The following PSMD14 variants were observed in gnomAD, a reference collection of about 807,000 sequenced individuals.
The protein encoded by PSMD14 is ubiquitin C-terminal hydrolase PSMD14.
In PSMD14, 7 loss-of-function variants were observed where a neutral mutation model predicts 41.2. The ratio of observed to expected loss-of-function variants is 0.17; its 90% CI spans 0.10 to 0.32. PSMD14 has a LOEUF of 0.32. Ranked by LOEUF, PSMD14 falls within the 10% of genes least tolerant of loss-of-function variation. The pLI is 1.00. For missense variants in PSMD14, 139 were observed against 375.6 expected, an observed-to-expected ratio of 0.37 and a Z score of 5.21; for synonymous variants, 114 against 122.3, an observed-to-expected ratio of 0.93 and a Z score of 0.45.
chr2:161,375,874 A>G (rs1027031629), intron 7 of PSMD14, among the ~76,000 whole-genome samples: 1 of 151,800 alleles, frequency 6.6e-6, no homozygotes, highest in South Asian at 2.1e-4. Context: ...TCTAATTTTT[A>G]AAAAAATTAA....
At chr2:161,411,252 C>A in intron 11 of PSMD14, 50 bp from the exon 12 acceptor site, 3 of 1,255,778 alleles carry the variant, frequency 2.4e-6, no homozygotes, top group Admixed American at 2.4e-5. Context: ...AGTAATTTAT[C>A]TACCAGTAAT....
At chr2:161,407,395 A>C (rs1034411717) in intron 10 of PSMD14, 1 of 152,104 alleles carries the variant, frequency 6.6e-6, no homozygotes, top group Non-Finnish European at 1.5e-5. Flanking sequence ...ATGAGTCATA[A>C]ATGCATTTCC....
chr2:161,322,067 C>T (rs1039622055), intron 3 of PSMD14, among the ~76,000 whole-genome samples: 2 of 152,118 alleles, frequency 1.3e-5, no homozygotes, highest in Non-Finnish European at 2.9e-5. Flanking sequence ...TTGATCAGCC[C>T]TCATCTGCAA....
chr2:161,318,959 A>G, intron 3 of PSMD14, 86 bp downstream of exon 3: 1 of 1,046,562 alleles, frequency 9.6e-7, no homozygotes, highest in Non-Finnish European at 1.4e-6. Context: ...ATTATCCCCA[A>G]GAAAATCACC....
At chr2:161,392,477 C>T (rs1444419014) in intron 9 of PSMD14, among the ~76,000 whole-genome samples, 1 of 152,160 alleles carries the variant, frequency 6.6e-6, no homozygotes, top group Non-Finnish European at 1.5e-5. Flanking sequence ...TCAACCAGAT[C>T]ACATCCATTT....
intron 1 of PSMD14, among the ~76,000 whole-genome samples, chr2:161,309,555 GT>G (rs2105226169): frequency 6.6e-6 from 1 of 152,298 alleles, no homozygotes; most frequent in South Asian, 2.1e-4. Context: ...CATGAACACA[GT>G]TTTAGTGGAG....
chr2:161,354,996 G>C (rs1683175899), intron 3 of PSMD14, among the ~76,000 whole-genome samples: 4 of 152,232 alleles, frequency 2.6e-5, no homozygotes, highest in Admixed American at 2.6e-4. Context: ...AAACTTTTCA[G>C]AGAGGCAGGA....
At chr2:161,373,105 T>TTTAA (rs1192274359) in intron 7 of PSMD14, among the ~76,000 whole-genome samples, 1 of 151,866 alleles carries the variant, frequency 6.6e-6, no homozygotes, top group Non-Finnish European at 1.5e-5. Flanking sequence ...CCAAACCTAG[T>TTTAA]TTAAGTATTG....
At chr2:161,331,662 A>G (rs1357435299) in intron 3 of PSMD14, among the ~76,000 whole-genome samples, 1 of 152,218 alleles carries the variant, frequency 6.6e-6, no homozygotes, top group Non-Finnish European at 1.5e-5. Context: ...ACAGTCAGAT[A>G]CTGTGAATAG....
intron 3 of PSMD14, among the ~76,000 whole-genome samples, chr2:161,336,576 T>C (rs996226303): frequency 6.6e-6 from 1 of 152,148 alleles, no homozygotes; most frequent in East Asian, 1.9e-4. Flanking sequence ...TTTATTTATT[T>C]ATTTATTCAT....
chr2:161,356,046 A>AT (rs1553505842), intron 3 of PSMD14, among the ~76,000 whole-genome samples: 1 of 66,818 alleles, frequency 1.5e-5, no homozygotes, highest in Non-Finnish European at 3.9e-5. Context: ...CAGCCAAAGG[A>AT]TTTTTTTTTG....
intron 2 of PSMD14, among the ~76,000 whole-genome samples, chr2:161,317,536 A>G (rs995178681): frequency 2.0e-5 from 3 of 152,040 alleles, no homozygotes; most frequent in African/African-American, 4.8e-5. Flanking sequence ...GAACTAGGTG[A>G]TGGTTACATG....
chr2:161,311,491 T>C (rs1689086643), intron 1 of PSMD14, among the ~76,000 whole-genome samples: 2 of 152,160 alleles, frequency 1.3e-5, no homozygotes, highest in African/African-American at 4.8e-5. Flanking sequence ...AATAGGGTAC[T>C]ATGCCATTTT....
chr2:161,334,543 A>AT (rs1491241192), intron 3 of PSMD14, among the ~76,000 whole-genome samples: 3 of 152,220 alleles, frequency 2.0e-5, no homozygotes, highest in South Asian at 2.1e-4. Flanking sequence ...ATATTAAGAC[A>AT]TTTTTTAAAA....
chr2:161,335,491 A>G (rs1165649294), intron 3 of PSMD14, among the ~76,000 whole-genome samples: 1 of 152,246 alleles, frequency 6.6e-6, no homozygotes, highest in African/African-American at 2.4e-5. Flanking sequence ...TGGACAGTGC[A>G]GTGTACACAA....
chr2:161,408,276 T>C (rs1195740268), intron 10 of PSMD14: 1 of 152,630 alleles, frequency 6.6e-6, no homozygotes, highest in Non-Finnish European at 1.5e-5. Flanking sequence ...GTATTACTTT[T>C]AGAGATGTAA....
chr2:161,397,794 T>C (rs1683822083), intron 10 of PSMD14, among the ~76,000 whole-genome samples: 1 of 152,180 alleles, frequency 6.6e-6, no homozygotes, highest in East Asian at 1.9e-4. Flanking sequence ...ATTATAGTGT[T>C]TCAACTGGAA....
chr2:161,363,462 T>C (rs1683318971), intron 3 of PSMD14, among the ~76,000 whole-genome samples: 1 of 152,206 alleles, frequency 6.6e-6, no homozygotes, highest in South Asian at 2.1e-4. Context: ...ATTTTTCATC[T>C]TTTTATCTTG....
intron 1 of PSMD14, among the ~76,000 whole-genome samples, chr2:161,313,961 A>G (rs922414975): frequency 2.0e-5 from 3 of 152,188 alleles, no homozygotes; most frequent in Admixed American, 6.5e-5. Context: ...TCACAGTGTT[A>G]TGTAACTGTC....
Sources: gnomAD v4.1 joint callset for allele counts (sites outside exome capture counted in the v4.1 genomes callset) on GRCh38, gnomAD v4.1.1 for gene constraint, MANE v1.5 for transcripts, NCBI Gene and HGNC (gene_info 2026-07-23, HGNC 2026-07-21) for gene names.